The following COL2A1 variants were observed in gnomAD, a reference collection of about 807,000 sequenced individuals.
COL2A1 encodes collagen type II alpha 1 chain, also known as collagen alpha-1(II) chain.
In COL2A1, 28 loss-of-function variants were observed where a neutral mutation model predicts 204.5. The ratio of observed to expected loss-of-function variants is 0.14; its 90% CI spans 0.10 to 0.19. The LOEUF (loss-of-function observed/expected upper bound fraction) is 0.19, where lower values mean the gene tolerates loss of function less well. Ranked by LOEUF, COL2A1 falls within the 10% of genes least tolerant of loss-of-function variation. COL2A1 has a pLI of 1.00. For synonymous variants in COL2A1, 708 were observed against 718.7 expected, an observed-to-expected ratio of 0.99 and a Z score of 0.24; for missense variants, 1,388 against 2,027.5, an observed-to-expected ratio of 0.68 and a Z score of 6.06.
chr12:48,002,852 C>G (rs1940298177), intron 1 of COL2A1: 2 of 152,318 alleles, frequency 1.3e-5, no homozygotes, highest in South Asian at 4.1e-4. Flanking sequence ...GCTCCCGGCT[C>G]CTCGCAGCTG....
rs770997944 is a variant in COL2A1 at position 47,976,009 on chromosome 12, A to G, written c.3551T>C (p.Ile1184Thr). The change falls in exon 50 of 54, where the codon ATT becomes ACT. Residue 1184 changes from isoleucine to threonine, a missense_variant. Ile to Thr is a moderately conservative substitution (Grantham distance 89). Coordinates refer to ENST00000380518, the MANE Select transcript of COL2A1 (RefSeq NM_001844.5). The surrounding 1 kb of genome is among the most constrained non-coding windows in gnomAD (Gnocchi z 4.3). ...TCGTCCACGGGGACCAGGAGGCCCA[A>G]TGGGGCCAGGGATTCCATTAGCACC... ...KDGANGIPGPIGPPGPRGRSG... is the reference protein window; with the variant it reads ...KDGANGIPGPTGPPGPRGRSG... 6 of 1,614,002 alleles carry G rather than the reference A, an allele frequency of 3.7e-6. No homozygotes were observed. The highest frequency in any genetic ancestry group is 1.7e-5 in the Admixed American group (1 of 60,012).
rs1939483072 is a variant in COL2A1, at chr12:47,987,400, C to T, written c.1222-87G>A. The stretch of plus-strand genomic sequence containing the variant: ...CCAGGATCCAGATCCAGGGACCTGG[C>T]ATAGGTGCTGTCCATTTCAGGGACA... On this transcript the variant is annotated intron_variant, in intron 19 of 53. Transcript: ENST00000380518. This position sits in a 1 kb window ranked among gnomAD's most constrained non-coding sequence, Gnocchi z 4.1. 7.1e-7 allele frequency: 1 copy of T among 1,400,784 alleles called. No homozygotes were observed. Among genetic ancestry groups the T allele is most frequent in the African/African-American group, 1.4e-5 (1 of 70,846 alleles). The allele number at this position is 1,400,784 out of a possible 1,614,324, so 86.8% of individuals were successfully genotyped here.
chr12:47,974,891 GGGCTCAGACA>G (rs753500711), intron 51 of COL2A1, 29 bp from the exon 52 acceptor site: 4 of 1,604,868 alleles, frequency 2.5e-6, no homozygotes, highest in Non-Finnish European at 1.7e-6. Context: ...GCACCCATGG[GGGCTCAGACA>G]GGCACAGACA....
chr12:47,989,692 C>G (rs1053985872), intron 17 of COL2A1, 69 bp downstream of exon 17: 11 of 1,385,552 alleles, frequency 7.9e-6, no homozygotes, highest in Admixed American at 3.3e-5. Context: ...ACCCTGCAGA[C>G]TGCCTTGGGC....
intron 26 of COL2A1, 22 bp downstream of exon 26, chr12:47,985,512 A>C: frequency 6.2e-7 from 1 of 1,612,252 alleles, no homozygotes; most frequent in Non-Finnish European, 8.5e-7. Context: ...CCCTCCTAGC[A>C]GCCCTCAGAG....
At chr12:47,985,179 C>A in intron 26 of COL2A1, 86 bp from the exon 27 acceptor site, 1 of 1,094,176 alleles carries the variant, frequency 9.1e-7, no homozygotes, top group Non-Finnish European at 1.4e-6. Context: ...ACATGGCAGG[C>A]CCAGGACTAG....
Position 47,985,742 on chromosome 12 carries a change from G to A in COL2A1, c.1666C>T (p.Leu556Phe). 3 of 1,614,010 alleles carry A rather than the reference G, an allele frequency of 1.9e-6. No individual in the cohort carries two copies. Among genetic ancestry groups the A allele is most frequent in the Middle Eastern group, 1.6e-4 (1 of 6,062 alleles). ...GDPGRPGEPG[L>F]PGARGLTGRP... Reference sequence around the variant, plus strand: ...CTGCTACTTACCCGGGCTCCAGGAAGGCCAGGTTCTCCAGGACGGCCAGGG... The same window carrying A: ...CTGCTACTTACCCGGGCTCCAGGAAAGCCAGGTTCTCCAGGACGGCCAGGG... Residue 556 changes from leucine to phenylalanine, a missense_variant, in exon 25 of 54, where the codon CTT becomes TTT. By Grantham distance (22) the Leu-to-Phe change is conservative. This residue lies in a region of COL2A1 where 884 missense variants were observed against 1,415.8 expected (regional missense o/e 0.62). Coordinates refer to ENST00000380518, the MANE Select transcript of COL2A1 (RefSeq NM_001844.5).
rs1432711048 is a variant in COL2A1, at chr12:47,989,750, A to G, written c.1068+11T>C. On this transcript the variant is annotated intron_variant, in intron 17 of 53. Transcript: ENST00000380518. ...AGCAACAATGACCTGCTGAGGATGA[A>G]ATGAACTTACCGGAGGCCCTGCGGG... 2.5e-6 allele frequency: 4 copies of G among 1,613,184 alleles called. No homozygotes were observed. The South Asian group carries it at 4.4e-5, about 18-fold the overall frequency.
chr12:47,998,154 A>G lies in COL2A1; in HGVS notation c.342+15T>C. 6.2e-7 allele frequency: 1 copy of G among 1,614,206 alleles called. No individual in the cohort carries two copies. The highest frequency in any genetic ancestry group is 8.5e-7 in the Non-Finnish European group (1 of 1,180,032). On this transcript the variant is annotated intron_variant, in intron 4 of 53. Coordinates refer to ENST00000380518, the MANE Select transcript of COL2A1 (RefSeq NM_001844.5). ...GCAGCAGCTGCAATACCGGGTGAGAATAATTTGCACTTACATCCTTGATGT... is the reference window on the plus strand; with the variant it reads ...GCAGCAGCTGCAATACCGGGTGAGAGTAATTTGCACTTACATCCTTGATGT...
At chr12:47,986,932 A>G in intron 21 of COL2A1, 44 bp from the exon 22 acceptor site, 1 of 1,611,080 alleles carries the variant, frequency 6.2e-7, no homozygotes, top group Non-Finnish European at 8.5e-7. Flanking sequence ...CTCTCCAGGG[A>G]GCCTGCCCCT....
At chr12:47,979,398 A>C in intron 41 of COL2A1, 113 bp downstream of exon 41, 1 of 1,070,394 alleles carries the variant, frequency 9.3e-7, no homozygotes, top group South Asian at 1.3e-5. Flanking sequence ...TCCAGGGGGC[A>C]GGAACGGACT....
intron 15 of COL2A1, 33 bp from the exon 16 acceptor site, chr12:47,992,964 G>A (rs1300459139): frequency 1.9e-6 from 3 of 1,611,576 alleles, no homozygotes; most frequent in African/African-American, 2.7e-5. Context: ...CTAAGCATGA[G>A]TTGGCTTTAC....
At chr12:47,985,678 GA>G (rs1332113260) in intron 25 of COL2A1, 49 bp downstream of exon 25, 3 of 1,610,778 alleles carry the variant, frequency 1.9e-6, no homozygotes, top group Non-Finnish European at 2.5e-6. Context: ...AGCCAGCCAG[GA>G]AGGGCCTGAG....
At chr12:48,001,261 G>GA (rs60542319) in intron 1 of COL2A1, among the ~76,000 whole-genome samples, 3 of 8,794 alleles carry the variant, frequency 3.4e-4, no homozygotes, top group Non-Finnish European at 1.9e-3. Context: ...CCCAGAGGGC[G>GA]AGAAAGAAAC....
Position 47,974,162 on chromosome 12 carries a change from C to A in COL2A1, c.4244G>T (p.Gly1415Val). The change falls in exon 53 of 54, where the codon GGC becomes GTC. Residue 1415 changes from glycine to valine, a missense_variant. Around this residue, in one of 3 missense-constraint regions of COL2A1, gnomAD observed 303 missense variants for 369.2 expected, o/e 0.82. Transcript: ENST00000380518. Reference sequence around the variant, plus strand: ...TGCCCGGATCTCCACGTCATTGGAGCCCTGGATGAGCAGGGCCTTCTTGAG... The same window carrying A: ...TGCCCGGATCTCCACGTCATTGGAGACCTGGATGAGCAGGGCCTTCTTGAG... ...GNLKKALLIQ[G>V]SNDVEIRAEG... is the part of the protein sequence containing the mutation. 6.2e-7 allele frequency: 1 copy of A among 1,614,224 alleles called. No individual in the cohort carries two copies. The highest frequency in any genetic ancestry group is 8.5e-7 in the Non-Finnish European group (1 of 1,180,036).
intron 1 of COL2A1, 75 bp downstream of exon 1, chr12:48,004,162 G>T: frequency 8.5e-7 from 1 of 1,176,118 alleles, no homozygotes; most frequent in Non-Finnish European, 1.2e-6. Context: ...CTCCAGAGCT[G>T]GAGCGGGCCG....
At chr12:47,992,713 G>T (rs2136603898) in intron 16 of COL2A1, among the ~76,000 whole-genome samples, 165 bp downstream of exon 16, 1 of 152,284 alleles carries the variant, frequency 6.6e-6, no homozygotes, top group South Asian at 2.1e-4. Flanking sequence ...CTTCAACTGT[G>T]CAGACTCAGC....
In COL2A1 at chr12:47,977,585, A is replaced by G. The variant is rs1315063118; in HGVS notation, c.3165+15T>C. 1.9e-6 allele frequency: 3 copies of G among 1,613,990 alleles called. No individual in the cohort carries two copies. In the South Asian group the frequency reaches 3.3e-5, roughly 18 times the overall value. On this transcript the variant is annotated intron_variant, in intron 45 of 53. Coordinates refer to ENST00000380518, the MANE Select transcript of COL2A1 (RefSeq NM_001844.5). ...CCTCCCCAACCCACTGCACACACAG[A>G]CACCAGACACTCACCTTGACTCCAG...
At position 47,978,205 on chromosome 12, in the gene COL2A1, G is replaced by A; in HGVS notation, c.3003+86C>T. On this transcript the variant is annotated intron_variant, in intron 43 of 53. Coordinates refer to ENST00000380518, the MANE Select transcript of COL2A1 (RefSeq NM_001844.5). The surrounding 1 kb of genome is among the most constrained non-coding windows in gnomAD (Gnocchi z 5.5). The stretch of plus-strand genomic sequence containing the variant: ...GACCCTTCAGGGAGAGGGCAGACAA[G>A]GGACAGTCCTGAGGGTGCTGAGGGA... The A allele has an allele frequency of 6.3e-7, 1 of 1,583,698 alleles. No individual in the cohort carries two copies. The highest frequency in any genetic ancestry group is 1.1e-5 in the South Asian group (1 of 88,960).
Sources: gnomAD v4.1 joint callset for allele counts (sites outside exome capture counted in the v4.1 genomes callset) on GRCh38, gnomAD v4.1.1 for gene constraint, gnomAD v4.1.1 regional missense constraint, Gnocchi (gnomAD v3.1) non-coding constraint, MANE v1.5 for transcripts, NCBI Gene and HGNC (gene_info 2026-07-23, HGNC 2026-07-21) for gene names.